The following E2F2 variants were observed in gnomAD, a reference collection of about 807,000 sequenced individuals.
E2F2 encodes E2F transcription factor 2, also known as transcription factor E2F2.
A neutral mutation model predicts 42.2 loss-of-function variants in E2F2; 22 were observed. The ratio of observed to expected loss-of-function variants is 0.52; its 90% CI spans 0.37 to 0.74. The LOEUF (loss-of-function observed/expected upper bound fraction) is 0.74, where lower values mean the gene tolerates loss of function less well. Ranked by LOEUF, E2F2 falls within the 30% of genes least tolerant of loss-of-function variation. The pLI is 0.00. For missense variants in E2F2, 481 were observed against 557.8 expected, an observed-to-expected ratio of 0.86 and a Z score of 1.39; for synonymous variants, 248 against 251.6, an observed-to-expected ratio of 0.99 and a Z score of 0.13.
chr1:23,527,819 A>T (rs985129615), intron 1 of E2F2, among the ~76,000 whole-genome samples: 8 of 152,212 alleles, frequency 5.3e-5, no homozygotes, highest in Non-Finnish European at 8.8e-5. Flanking sequence ...CATGCCTCAC[A>T]AGAGGAAATC....
At chr1:23,514,670 A>AT (rs1209362419) in intron 6 of E2F2, among the ~76,000 whole-genome samples, 2 of 57,834 alleles carry the variant, frequency 3.5e-5, no homozygotes, top group Non-Finnish European at 7.3e-5. Context: ...TCTACTAAAA[A>AT]TACAAAAAAA....
chr1:23,527,525 C>T (rs897939746), intron 1 of E2F2, among the ~76,000 whole-genome samples: 1 of 152,234 alleles, frequency 6.6e-6, no homozygotes, highest in African/African-American at 2.4e-5. Flanking sequence ...GGTCAGAGAT[C>T]ACCAGGCACA....
At position 23,509,891 on chromosome 1, in the gene E2F2, A is replaced by G. The variant is rs192528806; in HGVS notation, c.1303T>C (p.Leu435=). The change falls in exon 7 of 7, where the codon TTG becomes CTG. Residue 435 remains leucine, a synonymous_variant. Transcript: ENST00000361729. ...GCAGGCAGGGCCACTCAATTAATCAACAGGTCCCCAAGGTCGTAGGAGTCG... is the reference window on the plus strand; with the variant it reads ...GCAGGCAGGGCCACTCAATTAATCAGCAGGTCCCCAAGGTCGTAGGAGTCG... ...LFDSYDLGDL[L]IN 2 of 1,544,424 alleles carry G rather than the reference A, an allele frequency of 1.3e-6. No homozygotes were observed. Among genetic ancestry groups the G allele is most frequent in the East Asian group, 4.7e-5 (2 of 42,444 alleles).
In E2F2 at chr1:23,509,769, GC is replaced by G. The variant is rs946398623; in HGVS notation, c.*110del. On this transcript the variant is annotated 3_prime_UTR_variant, in exon 7 of 7. Transcript: ENST00000361729. Reference sequence around the variant, plus strand: ...GGCAGGAAAGGCGAGGAGACCCCATGCCCTGAGGGCAGCACCTAGTGTCCAA... The same window carrying G: ...GGCAGGAAAGGCGAGGAGACCCCATGCCTGAGGGCAGCACCTAGTGTCCAA... 1.4e-6 allele frequency: 2 copies of G among 1,427,880 alleles called. No individual in the cohort carries two copies. Among genetic ancestry groups the G allele is most frequent in the African/African-American group, 2.9e-5 (2 of 68,838 alleles). The allele number at this position is 1,427,880 out of a possible 1,614,324, so 88.5% of individuals were successfully genotyped here.
intron 1 of E2F2, among the ~76,000 whole-genome samples, chr1:23,524,695 A>G (rs1454416793): frequency 1.3e-5 from 2 of 152,184 alleles, no homozygotes; most frequent in Non-Finnish European, 2.9e-5. Context: ...TGTTTTCTGA[A>G]GGGCAAATAA....
chr1:23,530,970 A>C lies in E2F2; in HGVS notation c.-177T>G. 1 of 701,910 alleles carries C rather than the reference A, an allele frequency of 1.4e-6. No homozygotes were observed. Among genetic ancestry groups the C allele is most frequent in the Non-Finnish European group, 2.1e-6 (1 of 475,968 alleles). The allele number at this position is 701,910 out of a possible 1,614,324, so 43.5% of individuals were successfully genotyped here. On this transcript the variant is annotated 5_prime_UTR_variant, in exon 1 of 7. Transcript: ENST00000361729. This position sits in a 1 kb window ranked among gnomAD's most constrained non-coding sequence, Gnocchi z 4.4. ...CCTCCTGGCCCGCGGCCGAGCAGAG[A>C]GCAGCGCTTAGAGATCGCCGCTTGG...
chr1:23,509,114 TTTCC>T lies in E2F2; in HGVS notation c.*762_*765del. The T allele has an allele frequency of 6.6e-6, 1 of 152,174 alleles. No homozygotes were observed. The highest frequency in any genetic ancestry group is 1.9e-4 in the East Asian group (1 of 5,170). 9.4% of individuals were successfully genotyped at this position (152,174 alleles called of 1,614,324 possible). A position where few individuals can be genotyped will look rare whatever the true frequency, so the allele number is the denominator to read the frequency against. Reference sequence around the variant, plus strand: ...GGGTCTCCTGAGCAGGTGGCTCCTGTTTCCACAGGAGCCTCAGTGCTACCTGCCC... The same window carrying T: ...GGGTCTCCTGAGCAGGTGGCTCCTGTACAGGAGCCTCAGTGCTACCTGCCC... On this transcript the variant is annotated 3_prime_UTR_variant, in exon 7 of 7. Transcript: ENST00000361729.
intron 1 of E2F2, among the ~76,000 whole-genome samples, chr1:23,527,882 G>A (rs569763153): frequency 2.6e-5 from 4 of 152,348 alleles, no homozygotes; most frequent in East Asian, 1.9e-4. Context: ...GGTGGCTCAC[G>A]CTTGTAATCC....
At position 23,510,082 on chromosome 1, in the gene E2F2, G is replaced by A; in HGVS notation, c.1112C>T (p.Thr371Ile). Reference sequence around the variant, plus strand: ...GTGCGGCAGCTCCAGCAGGCTGTCAGTAGCCTCCAAGGGGACCAGGGATGG... The same window carrying A: ...GTGCGGCAGCTCCAGCAGGCTGTCAATAGCCTCCAAGGGGACCAGGGATGG... ...PPPSLVPLEA[T>I]DSLLELPHPL... Residue 371 changes from threonine (T) to isoleucine (I), a missense_variant, in exon 7 of 7, where the codon ACT becomes ATT. Physicochemically the swap from Thr to Ile is moderately conservative, Grantham distance 89. Coordinates refer to ENST00000361729, the MANE Select transcript of E2F2 (RefSeq NM_004091.4). 1.9e-6 allele frequency: 3 copies of A among 1,608,072 alleles called. No individual in the cohort carries two copies. Among genetic ancestry groups the A allele is most frequent in the Non-Finnish European group, 2.5e-6 (3 of 1,178,034 alleles).
intron 4 of E2F2, 101 bp from the exon 5 acceptor site, chr1:23,519,231 T>G: frequency 1.4e-6 from 1 of 699,202 alleles, no homozygotes; most frequent in South Asian, 1.9e-5. Context: ...CTCTGAACAT[T>G]ACTTTCTCAC....
In E2F2 at chr1:23,530,811, C is replaced by G. The variant is rs752994750; in HGVS notation, c.-18G>C. ...TGCAGCATAGCGAGTAAGGCGCCCC[C>G]TACCCAAAAGGGCTTGGCGCGCCCG... is the stretch of plus-strand genomic sequence containing the variant. On this transcript the variant is annotated 5_prime_UTR_variant, in exon 1 of 7. Coordinates refer to ENST00000361729, the MANE Select transcript of E2F2 (RefSeq NM_004091.4). The surrounding 1 kb of genome is among the most constrained non-coding windows in gnomAD (Gnocchi z 4.4). The G allele has an allele frequency of 2.4e-4, 360 of 1,488,026 alleles. No homozygotes were observed. Among genetic ancestry groups the G allele is most frequent in the Non-Finnish European group, 3.2e-4 (354 of 1,115,378 alleles). 92.2% of individuals were successfully genotyped at this position (1,488,026 alleles called of 1,614,324 possible). A position where few individuals can be genotyped will look rare whatever the true frequency, so the allele number is the denominator to read the frequency against.
chr1:23,529,250 C>T (rs1469909986), intron 1 of E2F2, among the ~76,000 whole-genome samples: 1 of 152,166 alleles, frequency 6.6e-6, no homozygotes, highest in Non-Finnish European at 1.5e-5. Flanking sequence ...GATACCCAAT[C>T]CCAGTTATCC....
At chr1:23,511,240 CTT>C (rs943231231) in intron 6 of E2F2, among the ~76,000 whole-genome samples, 19 of 145,764 alleles carry the variant, frequency 1.3e-4, no homozygotes, top group Non-Finnish European at 1.2e-4. Context: ...TCGCCGCCTT[CTT>C]TTTTTTTTTT....
rs141006760 is a variant in E2F2, at chr1:23,511,934, A to T, written c.1046-1786T>A. ...CTGGTTTGGCCTGGTGCGGTGGCTC[A>T]TGCCTATAATACCAGCACTTTGGGA... On this transcript the variant is annotated intron_variant, in intron 6 of 6. Coordinates refer to ENST00000361729, the MANE Select transcript of E2F2 (RefSeq NM_004091.4). Among the ~76,000 whole-genome samples, 3 of 152,266 alleles carry T rather than the reference A, an allele frequency of 2.0e-5. No homozygotes were observed. In the East Asian group the frequency reaches 5.8e-4, roughly 29 times the overall value.
At chr1:23,526,830 C>T (rs1643258330) in intron 1 of E2F2, among the ~76,000 whole-genome samples, 1 of 151,346 alleles carries the variant, frequency 6.6e-6, no homozygotes, top group Non-Finnish European at 1.5e-5. Flanking sequence ...CGCCCACCTG[C>T]CCCCATCACT....
At chr1:23,514,795 C>G (rs947299312) in intron 6 of E2F2, among the ~76,000 whole-genome samples, 14 of 146,444 alleles carry the variant, frequency 9.6e-5, no homozygotes, top group African/African-American at 3.1e-4. Flanking sequence ...CAAGATCATA[C>G]CATTGCACTC....
chr1:23,524,820 C>G (rs1462028860), intron 1 of E2F2, among the ~76,000 whole-genome samples: 1 of 152,232 alleles, frequency 6.6e-6, no homozygotes, highest in African/African-American at 2.4e-5. Context: ...GCTCCTCACC[C>G]CACCACACCC....
intron 5 of E2F2, among the ~76,000 whole-genome samples, chr1:23,517,582 C>T (rs896253137): frequency 6.6e-6 from 1 of 152,146 alleles, no homozygotes; most frequent in Admixed American, 6.5e-5. Context: ...TTCTTGAGTC[C>T]TTATAATATG....
At chr1:23,520,187 A>T (rs1643109916) in intron 4 of E2F2, among the ~76,000 whole-genome samples, 1 of 139,536 alleles carries the variant, frequency 7.2e-6, no homozygotes, top group African/African-American at 2.8e-5. Flanking sequence ...TGGAGGTTGC[A>T]GCGAGCCGAG....
Sources: allele counts gnomAD v4.1 joint callset (sites outside exome capture counted in the v4.1 genomes callset), GRCh38; gene constraint gnomAD v4.1.1; non-coding constraint Gnocchi (gnomAD v3.1); transcripts MANE v1.5; gene names NCBI Gene and HGNC (gene_info 2026-07-23, HGNC 2026-07-21).